Variants in KITLG observed in about 807,000 individuals in gnomAD.
The protein encoded by KITLG is KIT ligand, also known as c-Kit ligand.
In KITLG, 13 loss-of-function variants were observed where a neutral mutation model predicts 34.1. The ratio of observed to expected loss-of-function variants is 0.38; its 90% confidence interval spans 0.25 to 0.61. The LOEUF is 0.61. Among genes scored for constraint, KITLG ranks in the 20% least tolerant of loss-of-function variants. KITLG has a pLI of 0.60. For missense variants in KITLG, 292 were observed against 318.9 expected, an observed-to-expected ratio of 0.92 and a Z score of 0.64; for synonymous variants, 110 against 104.0, an observed-to-expected ratio of 1.06 and a Z score of -0.35.
At position 88,494,121 on chromosome 12, in the gene KITLG, C is replaced by T. The variant is rs949740848; in HGVS notation, c.*3098G>A. 1 of 151,638 alleles carries T rather than the reference C, an allele frequency of 6.6e-6. No homozygotes were observed. The highest frequency in any genetic ancestry group is 2.4e-5 in the African/African-American group (1 of 41,320). 9.4% of individuals were successfully genotyped at this position (151,638 alleles called of 1,614,324 possible). A position where few individuals can be genotyped will look rare whatever the true frequency, so the allele number is the denominator to read the frequency against. On this transcript the variant is annotated 3_prime_UTR_variant, in exon 10 of 10. Coordinates refer to ENST00000644744, the MANE Select transcript of KITLG (RefSeq NM_000899.5). ...ATATAGATAAATAAAAAATTGAGAC[C>T]CAAAGAAGAGAGGTGATTTACCATA...
At chr12:88,544,906 C>T (rs569222499) in intron 2 of KITLG, among the ~76,000 whole-genome samples, 3 of 152,268 alleles carry the variant, frequency 2.0e-5, no homozygotes, top group South Asian at 4.2e-4. Flanking sequence ...ATCCTTTTCT[C>T]CATATCACAA....
At chr12:88,578,911 G>T (rs1291630234) in intron 1 of KITLG, among the ~76,000 whole-genome samples, 1 of 152,172 alleles carries the variant, frequency 6.6e-6, no homozygotes, top group Non-Finnish European at 1.5e-5. Flanking sequence ...TTTAACATTT[G>T]CATTTCGACA....
intron 1 of KITLG, among the ~76,000 whole-genome samples, chr12:88,556,018 G>A (rs1024405171): frequency 2.6e-5 from 4 of 151,936 alleles, no homozygotes; most frequent in Non-Finnish European, 5.9e-5. Flanking sequence ...GGGGGACAGG[G>A]GCATTTGAGG....
At chr12:88,552,861 C>T (rs766800218) in intron 1 of KITLG, among the ~76,000 whole-genome samples, 49 of 152,070 alleles carry the variant, frequency 3.2e-4, no homozygotes, top group Admixed American at 1.6e-3. Flanking sequence ...GCTAATCTCC[C>T]TGAGTATCCA....
At chr12:88,527,686 T>C (rs1037646970) in intron 3 of KITLG, among the ~76,000 whole-genome samples, 1 of 152,186 alleles carries the variant, frequency 6.6e-6, no homozygotes, top group Middle Eastern at 3.2e-3. Flanking sequence ...TAAATATACA[T>C]AAACAGTTGA....
At chr12:88,545,892 G>C (rs765326933) in intron 1 of KITLG, 27 bp from the exon 2 acceptor site, 1 of 1,321,264 alleles carries the variant, frequency 7.6e-7, no homozygotes, top group Admixed American at 1.7e-5. Flanking sequence ...AAATTGCTTG[G>C]TGATCATCAG....
intron 9 of KITLG, among the ~76,000 whole-genome samples, chr12:88,498,618 T>C (rs1592834272): frequency 1.3e-5 from 2 of 152,226 alleles, no homozygotes; most frequent in East Asian, 1.9e-4. Flanking sequence ...CTCACACCTG[T>C]AATCCCAGCA....
chr12:88,512,151 A>AT (rs1196680823), intron 6 of KITLG, among the ~76,000 whole-genome samples: 3 of 152,214 alleles, frequency 2.0e-5, no homozygotes, highest in African/African-American at 4.8e-5. Context: ...ACAAAAAAGA[A>AT]TTTTTTTTCA....
At chr12:88,562,352 A>G (rs1333328311) in intron 1 of KITLG, among the ~76,000 whole-genome samples, 1 of 152,246 alleles carries the variant, frequency 6.6e-6, no homozygotes, top group Non-Finnish European at 1.5e-5. Context: ...AATCCTCAGC[A>G]GCTGGTTTCC....
intron 2 of KITLG, among the ~76,000 whole-genome samples, chr12:88,543,068 A>G (rs1191548716): frequency 1.3e-5 from 2 of 152,046 alleles, no homozygotes; most frequent in Non-Finnish European, 2.9e-5. Context: ...CCTTTTTCAG[A>G]CTTACCAAAG....
At chr12:88,572,230 A>G (rs1871674024) in intron 1 of KITLG, among the ~76,000 whole-genome samples, 1 of 152,132 alleles carries the variant, frequency 6.6e-6, no homozygotes, top group Non-Finnish European at 1.5e-5. Context: ...CTCATTATTG[A>G]AAAATATAAA....
chr12:88,577,906 T>C (rs1871884773), intron 1 of KITLG, among the ~76,000 whole-genome samples: 1 of 152,180 alleles, frequency 6.6e-6, no homozygotes, highest in Non-Finnish European at 1.5e-5. Context: ...ATTTTTTTTA[T>C]ATGTGGGGTA....
intron 2 of KITLG, among the ~76,000 whole-genome samples, chr12:88,540,919 T>C (rs1870497143): frequency 6.6e-6 from 1 of 152,130 alleles, no homozygotes; most frequent in Non-Finnish European, 1.5e-5. Context: ...AAAACTATCT[T>C]TCAAACTATT....
chr12:88,511,645 A>G (rs1869281391), intron 6 of KITLG, among the ~76,000 whole-genome samples: 1 of 152,102 alleles, frequency 6.6e-6, no homozygotes, highest in South Asian at 2.1e-4. Context: ...AAGTCACAAA[A>G]CCTGACCAAA....
At chr12:88,532,585 C>T (rs1870139234) in intron 2 of KITLG, 82 bp from the exon 3 acceptor site, 2 of 924,064 alleles carry the variant, frequency 2.2e-6, no homozygotes, top group Admixed American at 4.1e-5. Context: ...GAGAAAAGCA[C>T]ACAAAACTGT....
chr12:88,568,045 CA>C (rs1871504793), intron 1 of KITLG, among the ~76,000 whole-genome samples: 1 of 152,128 alleles, frequency 6.6e-6, no homozygotes, highest in Admixed American at 6.6e-5. Flanking sequence ...GAGAACAATA[CA>C]ACAACACTAG....
intron 2 of KITLG, among the ~76,000 whole-genome samples, chr12:88,540,724 A>G (rs534843831): frequency 6.6e-6 from 1 of 152,292 alleles, no homozygotes; most frequent in Non-Finnish European, 1.5e-5. Context: ...TTTCCTAACA[A>G]TAAGACTCAT....
intron 9 of KITLG, among the ~76,000 whole-genome samples, chr12:88,504,725 A>T (rs887099060): frequency 2.0e-5 from 3 of 152,164 alleles, no homozygotes; most frequent in Non-Finnish European, 4.4e-5. Context: ...AGGGATCTAG[A>T]ACTAGAAACA....
At chr12:88,552,354 T>G (rs948229967) in intron 1 of KITLG, among the ~76,000 whole-genome samples, 5 of 151,486 alleles carry the variant, frequency 3.3e-5, no homozygotes, top group Non-Finnish European at 5.9e-5. Context: ...TCTTTTCTTT[T>G]TTTTTTTGTA....
Sources: allele counts gnomAD v4.1 joint callset (sites outside exome capture counted in the v4.1 genomes callset), GRCh38; gene constraint gnomAD v4.1.1; transcripts MANE v1.5; gene names NCBI Gene and HGNC (gene_info 2026-07-23, HGNC 2026-07-21).